Variants in CCDC15 observed in about 807,000 individuals in gnomAD.
CCDC15 encodes the protein coiled-coil domain containing 15.
Under a neutral mutation model 114.5 loss-of-function variants are expected in CCDC15, and 105 were observed. The observed-to-expected ratio is 0.92, with a 90% CI of 0.78 to 1.08. The LOEUF (loss-of-function observed/expected upper bound fraction) is 1.08. Ranked by LOEUF, CCDC15 falls within the 50% of genes least tolerant of loss-of-function variation. The pLI is 0.00. For synonymous variants in CCDC15, 334 were observed against 377.8 expected (o/e 0.88, Z 1.34); for missense variants, 1,105 against 1,093.6 (o/e 1.01, Z -0.15).
chr11:124,978,808 C>G (rs1948019140), intron 6 of CCDC15, among the ~76,000 whole-genome samples: 1 of 119,418 alleles, frequency 8.4e-6, no homozygotes. Flanking sequence ...TTGATTAGAT[C>G]CCATTTGTCA....
rs752274998 is a variant in CCDC15, at chr11:124,986,705, G to GCGCGCA, written c.754-32_754-31insACGCGC. ...TGTGTGTGTGTTTGTGTGTGTGCGCGCGCGCGCGTGCGCGTTTTCATTGTT... is the reference window on the plus strand; with the variant it reads ...TGTGTGTGTGTTTGTGTGTGTGCGCGCGCGCACGCGCGCGTGCGCGTTTTCATTGTT... On this transcript the variant is annotated intron_variant, in intron 6 of 15. Transcript: ENST00000344762. 21 of 1,437,284 alleles carry GCGCGCA rather than the reference G, an allele frequency of 1.5e-5. No homozygotes were observed. In the African/African-American group the frequency reaches 2.8e-4, roughly 19 times the overall value. The allele number at this position is 1,437,284 out of a possible 1,614,324, so 89.0% of individuals were successfully genotyped here.
rs114066936 is a variant in CCDC15, at chr11:125,012,163, T to A, written c.2411+6951T>A. Among the ~76,000 whole-genome samples, 926 of 152,228 alleles carry A rather than the reference T, an allele frequency of 6.1e-3. 12 individuals are homozygous for A. Among genetic ancestry groups the A allele is most frequent in the African/African-American group, 0.021 (884 of 41,520 alleles). ...GCCTTGGAAAGTTTGAGTAAAGAAT[T>A]CCAGGGGCCTGGGTACCTGGAGCAG... is the stretch of plus-strand genomic sequence containing the variant. On this transcript the variant is annotated intron_variant, in intron 13 of 15. Coordinates refer to ENST00000344762, the MANE Select transcript of CCDC15 (RefSeq NM_025004.3).
chr11:125,022,037 A>T (rs1948663731), intron 13 of CCDC15, among the ~76,000 whole-genome samples: 1 of 151,964 alleles, frequency 6.6e-6, no homozygotes, highest in Non-Finnish European at 1.5e-5. Context: ...TTGGAATAAG[A>T]TCTCAATATA....
intron 4 of CCDC15, among the ~76,000 whole-genome samples, chr11:124,969,322 A>G (rs1221512984): frequency 2.0e-5 from 3 of 152,150 alleles, no homozygotes; most frequent in African/African-American, 7.2e-5. Flanking sequence ...AAGAAATTTC[A>G]AGTGTCTTAT....
rs747951752 is a variant in CCDC15, at chr11:125,040,620, A to G, written c.2765A>G (p.Asn922Ser). 82 of 1,610,778 alleles carry G rather than the reference A, an allele frequency of 5.1e-5. No individual in the cohort carries two copies. The highest frequency in any genetic ancestry group is 6.6e-5 in the South Asian group (6 of 90,404). The change falls in exon 16 of 16, where the codon AAT (asparagine) becomes AGT (serine). Residue 922 changes from asparagine to serine, a missense_variant. By Grantham distance (46) the Asn-to-Ser change is conservative (BLOSUM62 1). Transcript: ENST00000344762. ...ACTCGGGCACTACATTCATTCATCA[A>G]TTCCTGTGATGTCCCTGGGGGTAAT... ...AYTRALHSFI[N>S]SCDVPGGNST... is the part of the protein sequence containing the mutation.
chr11:125,027,527 T>G (rs1948712010), intron 13 of CCDC15, among the ~76,000 whole-genome samples: 1 of 152,212 alleles, frequency 6.6e-6, no homozygotes, highest in Non-Finnish European at 1.5e-5. Flanking sequence ...GTTGGCTGTT[T>G]GAATATCTTC....
At chr11:124,962,371 G>C (rs1479518027) in intron 4 of CCDC15, among the ~76,000 whole-genome samples, 1 of 152,190 alleles carries the variant, frequency 6.6e-6, no homozygotes, top group Non-Finnish European at 1.5e-5. Context: ...CTGACATGTT[G>C]AAACATTTAT....
chr11:125,015,593 T>A (rs939845571), intron 13 of CCDC15, among the ~76,000 whole-genome samples: 5 of 152,264 alleles, frequency 3.3e-5, no homozygotes, highest in African/African-American at 1.2e-4. Flanking sequence ...TTATTAAAAA[T>A]CCTGAAAGAA....
In CCDC15 at chr11:124,959,105, A is replaced by G. The variant is rs772874270; in HGVS notation, c.178-10A>G. On this transcript the variant is annotated splice_polypyrimidine_tract_variant and intron_variant, in intron 2 of 15. Transcript: ENST00000344762. ...CATTTAAGTTCATTTTCTGTCTTTC[A>G]TCTTTAAAGACATCAGCATATTTAA... is the stretch of plus-strand genomic sequence containing the variant. 2.0e-6 allele frequency: 3 copies of G among 1,534,254 alleles called. No individual in the cohort carries two copies. Among genetic ancestry groups the G allele is most frequent in the African/African-American group, 2.8e-5 (2 of 71,100 alleles).
At chr11:125,023,706 T>C (rs563807715) in intron 13 of CCDC15, among the ~76,000 whole-genome samples, 39 of 152,046 alleles carry the variant, frequency 2.6e-4, no homozygotes, top group African/African-American at 9.4e-4. Flanking sequence ...GAATGTAAAA[T>C]GGTACAGCCA....
Position 124,986,700 on chromosome 11 carries a change from T to TGCGCGC in CCDC15, c.754-34_754-29dup, listed in dbSNP as rs1555068495. 3.7e-4 allele frequency: 498 copies of TGCGCGC among 1,352,932 alleles called. 3 individuals carry two copies. The African/African-American group carries it at 7.3e-3, about 20-fold the overall frequency. 83.8% of individuals were successfully genotyped at this position (1,352,932 alleles called of 1,614,324 possible). A position where few individuals can be genotyped will look rare whatever the true frequency, so the allele number is the denominator to read the frequency against. On this transcript the variant is annotated intron_variant, in intron 6 of 15. Coordinates refer to ENST00000344762, the MANE Select transcript of CCDC15 (RefSeq NM_025004.3). ...GTGTGTGTGTGTGTGTTTGTGTGTG[T>TGCGCGC]GCGCGCGCGCGCGTGCGCGTTTTCA...
At chr11:125,022,571 T>C (rs1948668558) in intron 13 of CCDC15, among the ~76,000 whole-genome samples, 1 of 151,902 alleles carries the variant, frequency 6.6e-6, no homozygotes, top group African/African-American at 2.4e-5. Context: ...CTTGTGTGTT[T>C]TTCCAATGCC....
chr11:124,960,135 CTTTT>C lies in CCDC15; in HGVS notation c.516+144_516+147del, dbSNP rs57279788. The C allele has an allele frequency of 6.3e-3, 2,722 of 434,876 alleles. 7 individuals are homozygous for C. Among genetic ancestry groups the C allele is most frequent in the Non-Finnish European group, 7.4e-3 (1,950 of 263,844 alleles). 26.9% of individuals were successfully genotyped at this position (434,876 alleles called of 1,614,324 possible). ...AGCTTCACTTTTGATAATCATCCCC[CTTTT>C]TTTTTTTTTTTAGCTTTGTAAAGTG... On this transcript the variant is annotated intron_variant, in intron 4 of 15. Coordinates refer to ENST00000344762, the MANE Select transcript of CCDC15 (RefSeq NM_025004.3).
rs1947508993 is a variant in CCDC15, at chr11:124,954,326, C to T, written c.-54C>T. ...GGCTCCCAGCCGTTCAGCGCGTCTTCCCATAACCTATACCGATTATTGGGA... is the reference window on the plus strand; with the variant it reads ...GGCTCCCAGCCGTTCAGCGCGTCTTTCCATAACCTATACCGATTATTGGGA... On this transcript the variant is annotated 5_prime_UTR_variant, in exon 1 of 16. Transcript: ENST00000344762. 5.8e-6 allele frequency: 1 copy of T among 171,212 alleles called. No homozygotes were observed. The highest frequency in any genetic ancestry group is 5.7e-5 in the Admixed American group (1 of 17,594). 10.6% of individuals were successfully genotyped at this position (171,212 alleles called of 1,614,324 possible).
intron 6 of CCDC15, among the ~76,000 whole-genome samples, chr11:124,984,505 A>G (rs779754243): frequency 5.9e-5 from 9 of 152,092 alleles, no homozygotes; most frequent in Non-Finnish European, 1.3e-4. Context: ...AATGTCTCCT[A>G]GGGGAGCAAG....
intron 10 of CCDC15, 24 bp downstream of exon 10, chr11:124,992,711 A>T (rs917913642): frequency 4.8e-6 from 6 of 1,259,106 alleles, no homozygotes; most frequent in Non-Finnish European, 6.8e-6. Flanking sequence ...CAGTAGGAGG[A>T]CTGTATACCT....
At chr11:125,017,313 A>G (rs921527699) in intron 13 of CCDC15, among the ~76,000 whole-genome samples, 2 of 152,178 alleles carry the variant, frequency 1.3e-5, no homozygotes, top group African/African-American at 2.4e-5. Flanking sequence ...ATCTAGCTAG[A>G]TAAGTTTGAC....
At chr11:124,974,702 A>C (rs1947944401) in intron 4 of CCDC15, among the ~76,000 whole-genome samples, 1 of 152,200 alleles carries the variant, frequency 6.6e-6, no homozygotes, top group Admixed American at 6.5e-5. Context: ...AAAGCAATTA[A>C]GCATATATGG....
chr11:124,976,367 A>G (rs1296758144), intron 5 of CCDC15, among the ~76,000 whole-genome samples: 2 of 152,040 alleles, frequency 1.3e-5, no homozygotes, highest in African/African-American at 2.4e-5. Flanking sequence ...TAAGAAATTT[A>G]TAGTTAAATT....
Sources: gnomAD v4.1 joint callset for allele counts (sites outside exome capture counted in the v4.1 genomes callset) on GRCh38, gnomAD v4.1.1 for gene constraint, MANE v1.5 for transcripts, NCBI Gene and HGNC (gene_info 2026-07-23, HGNC 2026-07-21) for gene names.